Variants in SLC35B4 observed in about 807,000 individuals in gnomAD.
SLC35B4 encodes solute carrier family 35 member B4, also known as nucleotide sugar transporter SLC35B4.
SLC35B4 carries 28 observed loss-of-function variants against 39.5 expected under a neutral mutation model. The ratio of observed to expected loss-of-function variants is 0.71; its 90% CI spans 0.53 to 0.97. SLC35B4 has a LOEUF of 0.97. SLC35B4 is among the 50% of genes least tolerant of loss of function. The probability of loss-of-function intolerance (pLI) is 0.00; values close to 1 mark genes in which losing one functional copy is unlikely to be tolerated. For synonymous variants in SLC35B4, 145 were observed against 150.4 expected (o/e 0.96, Z 0.26); for missense variants, 334 against 414.3 (o/e 0.81, Z 1.68).
At chr7:134,307,187 T>G (rs949481326) in intron 2 of SLC35B4, among the ~76,000 whole-genome samples, 1 of 152,230 alleles carries the variant, frequency 6.6e-6, no homozygotes, top group Admixed American at 6.5e-5. Context: ...AGGATTATTT[T>G]CAGCCTAGCA....
At chr7:134,318,674 A>C (rs1464003367), upstream of SLC35B4, among the ~76,000 whole-genome samples, 1 of 152,194 alleles carries the variant, frequency 6.6e-6, no homozygotes, top group Admixed American at 6.5e-5. Flanking sequence ...CTCTTCACAC[A>C]GACCTTCATT....
chr7:134,293,220 G>C lies in SLC35B4; in HGVS notation c.*1613C>G, dbSNP rs908939502. The stretch of plus-strand genomic sequence containing the variant: ...CCGGTGAGTTCAGCTGCTTACAGAG[G>C]AGCATGTACTGGTATGTAAGGTTCC... On this transcript the variant is annotated 3_prime_UTR_variant, in exon 10 of 10. Transcript: ENST00000378509. The C allele has an allele frequency of 1.3e-5, 2 of 152,258 alleles. No homozygotes were observed. Among genetic ancestry groups the C allele is most frequent in the African/African-American group, 4.8e-5 (2 of 41,424 alleles). 9.4% of individuals were successfully genotyped at this position (152,258 alleles called of 1,614,324 possible). A position where few individuals can be genotyped will look rare whatever the true frequency, so the allele number is the denominator to read the frequency against.
Position 134,316,753 on chromosome 7 carries a change from G to C in SLC35B4, c.-2C>G. ...GCCCACCGCCAAGGCCGGGCGCATGGCCGGTGCAGGGTTGGGGAAGCAAGC... is the reference window on the plus strand; with the variant it reads ...GCCCACCGCCAAGGCCGGGCGCATGCCCGGTGCAGGGTTGGGGAAGCAAGC... On this transcript the variant is annotated 5_prime_UTR_variant, in exon 1 of 10. Transcript: ENST00000378509. The C allele has an allele frequency of 6.5e-7, 1 of 1,547,920 alleles. No individual in the cohort carries two copies. Among genetic ancestry groups the C allele is most frequent in the Non-Finnish European group, 8.7e-7 (1 of 1,146,734 alleles).
rs1803594606 is a variant in SLC35B4 at position 134,302,080 on chromosome 7, G to A, written c.375C>T (p.Ala125=). 6.2e-7 allele frequency: 1 copy of A among 1,613,552 alleles called. No individual in the cohort carries two copies. Among genetic ancestry groups the A allele is most frequent in the Non-Finnish European group, 8.5e-7 (1 of 1,179,882 alleles). The change falls in exon 5 of 10, where the codon GCC becomes GCT. Residue 125 remains alanine, a synonymous_variant. Transcript: ENST00000378509. ...AAATAAATATCCCCACAGACACCAG[G>A]GCAATGGAGGTATATTTGAATATAC... ...RYSIFKYTSI[A]LVSVGIFICT...
intron 9 of SLC35B4, 60 bp from the exon 10 acceptor site, chr7:134,295,139 A>G: frequency 6.3e-7 from 1 of 1,580,176 alleles, no homozygotes. Context: ...CAGTGAGAGA[A>G]CCTTCTGGCA....
At chr7:134,302,185 C>A in intron 4 of SLC35B4, 75 bp from the exon 5 acceptor site, 1 of 1,237,150 alleles carries the variant, frequency 8.1e-7, no homozygotes, top group South Asian at 1.3e-5. Flanking sequence ...TATTTACAGT[C>A]AGATGGTGCA....
At chr7:134,304,760 C>T (rs1270730335) in intron 4 of SLC35B4, 45 bp downstream of exon 4, 1 of 1,467,204 alleles carries the variant, frequency 6.8e-7, no homozygotes, top group Non-Finnish European at 9.5e-7. Flanking sequence ...GACAGGGGCT[C>T]AGGGTATCAT....
intron 1 of SLC35B4, among the ~76,000 whole-genome samples, chr7:134,311,989 T>A (rs904395106): frequency 6.6e-6 from 1 of 152,140 alleles, no homozygotes; most frequent in African/African-American, 2.4e-5. Flanking sequence ...AGAAGTGAAT[T>A]AATTTATCTA....
intron 8 of SLC35B4, among the ~76,000 whole-genome samples, chr7:134,297,360 T>C (rs2117282003): frequency 6.6e-6 from 1 of 152,350 alleles, no homozygotes; most frequent in South Asian, 2.1e-4. Context: ...ATAAAAGTAT[T>C]CCTACCCATC....
rs1052049029 is a variant in SLC35B4, at chr7:134,290,306, A to C, written c.*4527T>G. 6.6e-6 allele frequency: 1 copy of C among 152,100 alleles called. No individual in the cohort carries two copies. The highest frequency in any genetic ancestry group is 2.4e-5 in the African/African-American group (1 of 41,394). 9.4% of individuals were successfully genotyped at this position (152,100 alleles called of 1,614,324 possible). On this transcript the variant is annotated 3_prime_UTR_variant, in exon 10 of 10. Coordinates refer to ENST00000378509, the MANE Select transcript of SLC35B4 (RefSeq NM_032826.5). ...TCCTTCTCTTGCTTGGAATGTTAAAAATGTTTCCCCTTATTTGCTTTCTTG... is the reference window on the plus strand; with the variant it reads ...TCCTTCTCTTGCTTGGAATGTTAAACATGTTTCCCCTTATTTGCTTTCTTG...
At chr7:134,298,896 ACT>A (rs1220149052) in intron 8 of SLC35B4, among the ~76,000 whole-genome samples, 2 of 152,208 alleles carry the variant, frequency 1.3e-5, no homozygotes, top group Non-Finnish European at 2.9e-5. Context: ...TCTATATTAT[ACT>A]CTGTTAGTAG....
At chr7:134,311,993 T>G (rs1803855517) in intron 1 of SLC35B4, among the ~76,000 whole-genome samples, 2 of 152,156 alleles carry the variant, frequency 1.3e-5, no homozygotes, top group South Asian at 4.1e-4. Flanking sequence ...GTGAATTAAT[T>G]TATCTAAGTC....
rs1451086171 is a variant in SLC35B4 at position 134,291,567 on chromosome 7, GAA to G, written c.*3264_*3265del. 1 of 152,216 alleles carries G rather than the reference GAA, an allele frequency of 6.6e-6. No individual in the cohort carries two copies. The highest frequency in any genetic ancestry group is 2.4e-5 in the African/African-American group (1 of 41,442). The allele number at this position is 152,216 out of a possible 1,614,324, so 9.4% of individuals were successfully genotyped here. A position where few individuals can be genotyped will look rare whatever the true frequency, so the allele number is the denominator to read the frequency against. On this transcript the variant is annotated 3_prime_UTR_variant, in exon 10 of 10. Coordinates refer to ENST00000378509, the MANE Select transcript of SLC35B4 (RefSeq NM_032826.5). ...AAAACATCACGCCATCTTTCCAGAA[GAA>G]GAGAAGAGGTTTACTCTGGGTGGCA...
intron 8 of SLC35B4, chr7:134,299,310 C>CGAA (rs1803528945): frequency 2.1e-6 from 1 of 469,006 alleles, no homozygotes; most frequent in Admixed American, 3.8e-5. Context: ...ATGGAAAACT[C>CGAA]GAAGATATTC....
chr7:134,302,536 G>C (rs1355225882), intron 4 of SLC35B4, among the ~76,000 whole-genome samples: 1 of 152,144 alleles, frequency 6.6e-6, no homozygotes, highest in Non-Finnish European at 1.5e-5. Flanking sequence ...TCAGGTGCAA[G>C]CAGCAGGATT....
At chr7:134,319,318 A>C (rs189523671), upstream of SLC35B4, among the ~76,000 whole-genome samples, 2 of 152,306 alleles carry the variant, frequency 1.3e-5, no homozygotes, top group Admixed American at 1.3e-4. Context: ...AAACCATATA[A>C]CACAGTCTCA....
chr7:134,312,327 C>A (rs1432187145), intron 1 of SLC35B4, among the ~76,000 whole-genome samples: 1 of 152,098 alleles, frequency 6.6e-6, no homozygotes, highest in East Asian at 1.9e-4. Flanking sequence ...TTCTCTTTAA[C>A]AAGTTTAGGC....
At chr7:134,318,406 A>G (rs1281905012), upstream of SLC35B4, among the ~76,000 whole-genome samples, 1 of 151,160 alleles carries the variant, frequency 6.6e-6, no homozygotes, top group Admixed American at 6.6e-5. Flanking sequence ...CACATTAAAC[A>G]ATGAATTATA....
intron 8 of SLC35B4, chr7:134,299,164 C>T: frequency 5.7e-6 from 1 of 174,210 alleles, no homozygotes; most frequent in Non-Finnish European, 1.2e-5. Context: ...GAAGGATAAA[C>T]AGCAGTTGAG....
Sources: allele counts gnomAD v4.1 joint callset (sites outside exome capture counted in the v4.1 genomes callset), GRCh38; gene constraint gnomAD v4.1.1; transcripts MANE v1.5; gene names NCBI Gene and HGNC (gene_info 2026-07-23, HGNC 2026-07-21).